BRIP1: variants seen among roughly 807,000 people sequenced by gnomAD.
BRIP1 encodes Fanconi anemia group J protein.
BRIP1 carries 88 observed loss-of-function variants against 119.7 expected under a neutral mutation model. The observed-to-expected ratio is 0.74, with a 90% CI of 0.62 to 0.88. BRIP1 has a LOEUF of 0.88. BRIP1 is among the 40% of genes least tolerant of loss of function. BRIP1 has a pLI of 0.00. For synonymous variants in BRIP1, 443 were observed against 496.5 expected (o/e 0.89, Z 1.43); for missense variants, 1,259 against 1,455.4 (o/e 0.87, Z 2.20).
rs2061305104 is a variant in BRIP1 at position 61,683,568 on chromosome 17, T to C, written c.3478A>G (p.Asn1160Asp). 1 of 1,612,886 alleles carries C rather than the reference T, an allele frequency of 6.2e-7. No homozygotes were observed. Residue 1160 changes from asparagine to aspartate, a missense_variant, in exon 20 of 20, where the codon AAC (asparagine) becomes GAC (aspartate). Asn to Asp is a conservative substitution (Grantham distance 23, BLOSUM62 1). This residue lies in a region of BRIP1 where 753 missense variants were observed against 891.8 expected (regional missense o/e 0.84). Transcript: ENST00000259008. This position sits in a 1 kb window ranked among gnomAD's most constrained non-coding sequence, Gnocchi z 4.7. The stretch of plus-strand genomic sequence containing the variant: ...TTAGCTAAAATGCAATCTGAATTGT[T>C]AGCCAATCTATTTCCTCTATCAGTT... ...AETDRGNRLA[N>D]NSDCILAKDL...
chr17:61,841,127 T>C lies in BRIP1; in HGVS notation c.627+5974A>G, dbSNP rs920931280. On this transcript the variant is annotated intron_variant, in intron 6 of 19. Transcript: ENST00000259008. This position sits in a 1 kb window ranked among gnomAD's most constrained non-coding sequence, Gnocchi z 4.1. ...ACTATAAGACTACTAGAAGAAAACA[T>C]AGGGCAAAAGCTTCAGGACACTGAT... is the stretch of plus-strand genomic sequence containing the variant. Among the ~76,000 whole-genome samples, 5 of 152,200 alleles carry C rather than the reference T, an allele frequency of 3.3e-5. No individual in the cohort carries two copies. In the East Asian group the frequency reaches 9.7e-4, roughly 29 times the overall value.
chr17:61,817,717 T>C (rs906006702), intron 6 of BRIP1, among the ~76,000 whole-genome samples: 3 of 152,232 alleles, frequency 2.0e-5, no homozygotes, highest in Admixed American at 2.0e-4. Context: ...ATGTGGCTAG[T>C]GGACAGAATA....
In BRIP1 at chr17:61,767,467, G is replaced by C. The variant is rs903578335; in HGVS notation, c.2097+8934C>G. On this transcript the variant is annotated intron_variant, in intron 14 of 19. Coordinates refer to ENST00000259008, the MANE Select transcript of BRIP1 (RefSeq NM_032043.3). The surrounding 1 kb of genome is among the most constrained non-coding windows in gnomAD (Gnocchi z 5.7). ...TTTGTTTTGTTTTTTTAAACACTGG[G>C]TCTCTCTATGTTACCCAGGCTGGTC... 2.6e-5 allele frequency among the ~76,000 whole-genome samples: 4 copies of C among 151,890 alleles called. No homozygotes were observed. The highest frequency in any genetic ancestry group is 9.7e-5 in the African/African-American group (4 of 41,332).
intron 4 of BRIP1, among the ~76,000 whole-genome samples, chr17:61,855,230 T>C (rs1374018152): frequency 6.6e-6 from 1 of 152,172 alleles, no homozygotes; most frequent in African/African-American, 2.4e-5. Flanking sequence ...GTATGTTCAC[T>C]GTCTTGATTC....
At chr17:61,741,204 C>T (rs879482336) in intron 16 of BRIP1, among the ~76,000 whole-genome samples, 2 of 152,208 alleles carry the variant, frequency 1.3e-5, no homozygotes, top group Non-Finnish European at 2.9e-5. Flanking sequence ...CAAGTGTCCT[C>T]ATGAGATTGC....
rs573699111 is a variant in BRIP1, at chr17:61,844,523, G to A, written c.627+2578C>T. On this transcript the variant is annotated intron_variant, in intron 6 of 19. Coordinates refer to ENST00000259008, the MANE Select transcript of BRIP1 (RefSeq NM_032043.3). The surrounding 1 kb of genome is among the most constrained non-coding windows in gnomAD (Gnocchi z 4.7). ...GAGGATCACTTGAGCCTGGGATTTT[G>A]AGGTTACAGTGGGCTATGATCACAC... is the stretch of plus-strand genomic sequence containing the variant. Among the ~76,000 whole-genome samples the A allele has an allele frequency of 4.6e-5, 7 of 152,280 alleles. No homozygotes were observed. The East Asian group carries it at 7.7e-4, about 17-fold the overall frequency.
rs1428861156 is a variant in BRIP1 at position 61,814,767 on chromosome 17, A to G, written c.628-6010T>C. 6.6e-6 allele frequency among the ~76,000 whole-genome samples: 1 copy of G among 152,090 alleles called. No homozygotes were observed. The highest frequency in any genetic ancestry group is 1.5e-5 in the Non-Finnish European group (1 of 67,944). ...ACATTAAGACAGATACAAGAGGAAT[A>G]TTAATTGCAGCATTGTTTTAATAGT... On this transcript the variant is annotated intron_variant, in intron 6 of 19. Coordinates refer to ENST00000259008, the MANE Select transcript of BRIP1 (RefSeq NM_032043.3). This position sits in a 1 kb window ranked among gnomAD's most constrained non-coding sequence, Gnocchi z 4.9.
intron 16 of BRIP1, among the ~76,000 whole-genome samples, chr17:61,716,832 A>AAATAATATGCTTCCATT (rs1555581245): frequency 4.0e-5 from 6 of 151,216 alleles, no homozygotes; most frequent in African/African-American, 9.7e-5. Flanking sequence ...CCACTACTGG[A>AAATAATATGCTTCCATT]TTATTAGCTA....
rs1386075451 is a variant in BRIP1 at position 61,684,543 on chromosome 17, A to C, written c.2906-403T>G. On this transcript the variant is annotated intron_variant, in intron 19 of 19. Transcript: ENST00000259008. The surrounding 1 kb of genome is among the most constrained non-coding windows in gnomAD (Gnocchi z 4.5). ...AATTCTTTTATTTAATAAATAAGGA[A>C]AGTGACATAAGGCTAAGTTATTTGC... Among the ~76,000 whole-genome samples the C allele has an allele frequency of 6.6e-6, 1 of 152,176 alleles. No homozygotes were observed. The highest frequency in any genetic ancestry group is 1.5e-5 in the Non-Finnish European group (1 of 68,022).
At chr17:61,733,196 C>A (rs2076873292) in intron 16 of BRIP1, among the ~76,000 whole-genome samples, 1 of 152,112 alleles carries the variant, frequency 6.6e-6, no homozygotes, top group East Asian at 1.9e-4. Flanking sequence ...GGAACAATAT[C>A]ATTCTCCTTA....
rs115420366 is a variant in BRIP1 at position 61,768,727 on chromosome 17, C to G, written c.2097+7674G>C. On this transcript the variant is annotated intron_variant, in intron 14 of 19. Transcript: ENST00000259008. The surrounding 1 kb of genome is among the most constrained non-coding windows in gnomAD (Gnocchi z 5.0). ...TATACAACCTGCATAAACTTCTCCC[C>G]GTTGTGAGATAAAAATAAGACTTTA... Among the ~76,000 whole-genome samples the G allele has an allele frequency of 6.6e-6, 1 of 152,004 alleles. No individual in the cohort carries two copies. The highest frequency in any genetic ancestry group is 1.5e-5 in the Non-Finnish European group (1 of 68,008).
rs758416895 is a variant in BRIP1 at position 61,681,436 on chromosome 17, C to T, written c.*1860G>A. 4 of 211,032 alleles carry T rather than the reference C, an allele frequency of 1.9e-5. No homozygotes were observed. Among genetic ancestry groups the T allele is most frequent in the Non-Finnish European group, 3.8e-5 (4 of 104,036 alleles). 13.1% of individuals were successfully genotyped at this position (211,032 alleles called of 1,614,324 possible). ...GCATTTTACAGATGAAACTAATTCCCTGAAGGGTGTGGTGATTGCCAATAT... is the reference window on the plus strand; with the variant it reads ...GCATTTTACAGATGAAACTAATTCCTTGAAGGGTGTGGTGATTGCCAATAT... On this transcript the variant is annotated 3_prime_UTR_variant, in exon 20 of 20. Coordinates refer to ENST00000259008, the MANE Select transcript of BRIP1 (RefSeq NM_032043.3). The surrounding 1 kb of genome is among the most constrained non-coding windows in gnomAD (Gnocchi z 5.1).
Position 61,689,403 on chromosome 17 carries a change from C to T in BRIP1, c.2576-3238G>A, listed in dbSNP as rs943423717. On this transcript the variant is annotated intron_variant, in intron 18 of 19. Transcript: ENST00000259008. The surrounding 1 kb of genome is among the most constrained non-coding windows in gnomAD (Gnocchi z 4.5). ...CAAAATGGAAAAAAAAAAGTGAAGG[C>T]TTATGGCTTCATTTATGACTTGACT... Among the ~76,000 whole-genome samples, 10 of 152,024 alleles carry T rather than the reference C, an allele frequency of 6.6e-5. No individual in the cohort carries two copies. Among genetic ancestry groups the T allele is most frequent in the Admixed American group, 6.6e-4 (10 of 15,266 alleles).
At chr17:61,859,984 G>C (rs1415767310) in intron 2 of BRIP1, 77 bp from the exon 3 acceptor site, 1 of 993,156 alleles carries the variant, frequency 1.0e-6, no homozygotes, top group Non-Finnish European at 1.6e-6. Context: ...AGTTTAAATA[G>C]AACAGCAAGG....
rs1170135171 is a variant in BRIP1, at chr17:61,843,907, T to C, written c.627+3194A>G. 2.0e-5 allele frequency among the ~76,000 whole-genome samples: 3 copies of C among 151,880 alleles called. No homozygotes were observed. The highest frequency in any genetic ancestry group is 4.4e-5 in the Non-Finnish European group (3 of 67,968). On this transcript the variant is annotated intron_variant, in intron 6 of 19. Transcript: ENST00000259008. This position sits in a 1 kb window ranked among gnomAD's most constrained non-coding sequence, Gnocchi z 5.7. ...TGTTTTACACCTAAAATATATATAA[T>C]TTTTATTTTATGTATTTATTTTTTA...
At position 61,841,167 on chromosome 17, in the gene BRIP1, T is replaced by C. The variant is rs983430883; in HGVS notation, c.627+5934A>G. Among the ~76,000 whole-genome samples the C allele has an allele frequency of 1.3e-5, 2 of 152,114 alleles. No homozygotes were observed. The highest frequency in any genetic ancestry group is 6.5e-5 in the Admixed American group (1 of 15,274). ...AGGACACTGATCTAGGCAGATTTTA[T>C]GGGTAAGAATTCAAAAGTACAGGCA... On this transcript the variant is annotated intron_variant, in intron 6 of 19. Transcript: ENST00000259008. The surrounding 1 kb of genome is among the most constrained non-coding windows in gnomAD (Gnocchi z 4.1).
rs1415217231 is a variant in BRIP1 at position 61,738,888 on chromosome 17, A to G, written c.2379+4125T>C. On this transcript the variant is annotated intron_variant, in intron 16 of 19. Transcript: ENST00000259008. This position sits in a 1 kb window ranked among gnomAD's most constrained non-coding sequence, Gnocchi z 4.2. Reference sequence around the variant, plus strand: ...TATCATTCCCTTCTCTTCTCCTCATATGTAATCAGAATTATAATCTTGATG... The same window carrying G: ...TATCATTCCCTTCTCTTCTCCTCATGTGTAATCAGAATTATAATCTTGATG... Among the ~76,000 whole-genome samples the G allele has an allele frequency of 6.6e-6, 1 of 152,138 alleles. No homozygotes were observed. Among genetic ancestry groups the G allele is most frequent in the East Asian group, 1.9e-4 (1 of 5,194 alleles).
rs4988342 is a variant in BRIP1 at position 61,861,375 on chromosome 17, A to C, written c.93+72T>G. 18,076 of 1,002,892 alleles carry C rather than the reference A, an allele frequency of 0.018. 1,968 individuals are homozygous for C. In the African/African-American group the frequency reaches 0.24, roughly 13 times the overall value. 62.1% of individuals were successfully genotyped at this position (1,002,892 alleles called of 1,614,324 possible). A position where few individuals can be genotyped will look rare whatever the true frequency, so the allele number is the denominator to read the frequency against. ...TTTACTGAGAATATGAATGCAGTCA[A>C]ATACTCAATGTACTTTATGGGTCAT... On this transcript the variant is annotated intron_variant, in intron 2 of 19. Transcript: ENST00000259008. The surrounding 1 kb of genome is among the most constrained non-coding windows in gnomAD (Gnocchi z 4.5).
intron 17 of BRIP1, 97 bp downstream of exon 17, chr17:61,715,854 T>G: frequency 1.3e-6 from 1 of 767,956 alleles, no homozygotes; most frequent in South Asian, 2.1e-5. Context: ...TTAAATAAAA[T>G]TTTACCAAGT....
Sources: gnomAD v4.1 joint callset for allele counts (sites outside exome capture counted in the v4.1 genomes callset) on GRCh38, gnomAD v4.1.1 for gene constraint, gnomAD v4.1.1 regional missense constraint, Gnocchi (gnomAD v3.1) non-coding constraint, MANE v1.5 for transcripts, NCBI Gene and HGNC (gene_info 2026-07-23, HGNC 2026-07-21) for gene names.